RAB38: variants seen among roughly 807,000 people sequenced by gnomAD.
RAB38 encodes ras-related protein Rab-38.
In RAB38, 15 loss-of-function variants were observed where a neutral mutation model predicts 18.4. The observed-to-expected ratio is 0.82, with a 90% confidence interval of 0.55 to 1.26. RAB38 has a LOEUF of 1.26. RAB38 is among the 50% of genes most tolerant of loss of function. The probability of loss-of-function intolerance (pLI) is 0.00; values close to 1 mark genes in which losing one functional copy is unlikely to be tolerated. For synonymous variants in RAB38, 101 were observed against 104.4 expected, an observed-to-expected ratio of 0.97 and a Z score of 0.20; for missense variants, 294 against 267.4, an observed-to-expected ratio of 1.10 and a Z score of -0.69.
At chr11:87,948,741 C>G in the RAB38 span, among the ~76,000 whole-genome samples, 1 of 147,382 alleles carries the variant, frequency 6.8e-6, no homozygotes, top group Admixed American at 6.8e-5. Flanking sequence ...GGGATGAAGC[C>G]CACTTGATCA....
chr11:87,880,933 A>G, the RAB38 span, among the ~76,000 whole-genome samples: 2 of 151,860 alleles, frequency 1.3e-5, no homozygotes, highest in African/African-American at 4.8e-5. Flanking sequence ...ATAAATTTGT[A>G]ATTAAGTATC....
At chr11:88,066,806 C>T in the RAB38 span, among the ~76,000 whole-genome samples, 2 of 152,182 alleles carry the variant, frequency 1.3e-5, no homozygotes, top group Non-Finnish European at 2.9e-5. Context: ...AGTTTACCAA[C>T]AGCGAAATAC....
the RAB38 span, among the ~76,000 whole-genome samples, chr11:87,844,736 A>C: frequency 6.6e-6 from 1 of 152,182 alleles, no homozygotes; most frequent in African/African-American, 2.4e-5. Flanking sequence ...CTTTCACCCT[A>C]ATCAATCTGA....
the RAB38 span, among the ~76,000 whole-genome samples, chr11:88,048,840 T>G: frequency 6.6e-6 from 1 of 152,242 alleles, no homozygotes; most frequent in East Asian, 1.9e-4. Context: ...GTAAATAATC[T>G]TTGCTGGCAG....
the RAB38 span, among the ~76,000 whole-genome samples, chr11:88,011,227 T>C: frequency 6.6e-6 from 1 of 152,352 alleles, no homozygotes; most frequent in East Asian, 1.9e-4. Context: ...GCATTATTAA[T>C]TGTTTCCTTT....
At chr11:87,847,336 A>ATACAT in the RAB38 span, among the ~76,000 whole-genome samples, 2 of 152,164 alleles carry the variant, frequency 1.3e-5, no homozygotes, top group East Asian at 1.9e-4. Flanking sequence ...AATAGACTCT[A>ATACAT]TACATTAAAA....
At chr11:88,075,442 A>G in the RAB38 span, among the ~76,000 whole-genome samples, 1 of 152,228 alleles carries the variant, frequency 6.6e-6, no homozygotes, top group Non-Finnish European at 1.5e-5. Context: ...ATGCTCCTGA[A>G]TGATCAATGA....
At chr11:87,863,684 T>C in the RAB38 span, among the ~76,000 whole-genome samples, 1 of 151,810 alleles carries the variant, frequency 6.6e-6, no homozygotes, top group Admixed American at 6.6e-5. Flanking sequence ...ATAGAATCAC[T>C]TTCTGCTTGA....
At chr11:88,010,874 G>C in the RAB38 span, among the ~76,000 whole-genome samples, 1 of 152,078 alleles carries the variant, frequency 6.6e-6, no homozygotes, top group Admixed American at 6.6e-5. Flanking sequence ...CCAACCTTCA[G>C]TATCATCCCT....
At chr11:88,153,171 A>ACATG (rs1464952684) in intron 1 of RAB38, among the ~76,000 whole-genome samples, 1 of 152,260 alleles carries the variant, frequency 6.6e-6, no homozygotes, top group Non-Finnish European at 1.5e-5. Context: ...AGGCTCAGAC[A>ACATG]CATGTATTTC....
chr11:88,003,819 ATAATAGATT>A, the RAB38 span, among the ~76,000 whole-genome samples: 318 of 5,820 alleles, frequency 0.055, 56 homozygotes, highest in Middle Eastern at 0.5. Context: ...TATATAATAT[ATAATAGATT>A]GTATAATATA....
chr11:88,156,622 A>T (rs377593891), intron 1 of RAB38, among the ~76,000 whole-genome samples: 1 of 152,174 alleles, frequency 6.6e-6, no homozygotes, highest in East Asian at 1.9e-4. Flanking sequence ...GAAACACTTG[A>T]ACCTGGGAGG....
chr11:87,940,161 T>G, the RAB38 span, among the ~76,000 whole-genome samples: 1 of 103,284 alleles, frequency 9.7e-6, no homozygotes, highest in African/African-American at 3.2e-5. Context: ...TTTACCCAGA[T>G]AATACAAAAA....
At chr11:88,027,042 A>G in the RAB38 span, among the ~76,000 whole-genome samples, 1 of 152,198 alleles carries the variant, frequency 6.6e-6, no homozygotes, top group Non-Finnish European at 1.5e-5. Flanking sequence ...TGCTAAATTC[A>G]TGCATTAATT....
At chr11:87,844,349 G>A in the RAB38 span, among the ~76,000 whole-genome samples, 10 of 152,058 alleles carry the variant, frequency 6.6e-5, no homozygotes, top group African/African-American at 1.7e-4. Flanking sequence ...TATCTTCTTC[G>A]TATATATTGA....
the RAB38 span, among the ~76,000 whole-genome samples, chr11:87,956,499 C>T: frequency 2.0e-5 from 3 of 152,102 alleles, no homozygotes; most frequent in Non-Finnish European, 4.4e-5. Flanking sequence ...CCCACTCCTG[C>T]CCCATGGTCT....
chr11:88,027,806 A>T, the RAB38 span, among the ~76,000 whole-genome samples: 1 of 152,186 alleles, frequency 6.6e-6, no homozygotes, highest in African/African-American at 2.4e-5. Context: ...CAGGGAACAG[A>T]CAAACAAAAA....
At chr11:87,973,582 G>A in the RAB38 span, among the ~76,000 whole-genome samples, 1 of 152,016 alleles carries the variant, frequency 6.6e-6, no homozygotes, top group African/African-American at 2.4e-5. Context: ...AGTGAAGAGA[G>A]CTTCTGAAAT....
At chr11:88,113,238 G>T (rs572372172), downstream of RAB38, 10 of 150,726 alleles carry the variant, frequency 6.6e-5, no homozygotes, top group Non-Finnish European at 1.3e-4. Context: ...GAAACTTAAA[G>T]CACTTTCATA....
Sources: allele counts gnomAD v4.1 joint callset (sites outside exome capture counted in the v4.1 genomes callset), GRCh38; gene constraint gnomAD v4.1.1; transcripts MANE v1.5; gene names NCBI Gene and HGNC (gene_info 2026-07-23, HGNC 2026-07-21).